The following DSE variants were observed in gnomAD, a reference collection of about 807,000 sequenced individuals.
DSE encodes dermatan sulfate epimerase.
In DSE, 36 loss-of-function variants were observed where a neutral mutation model predicts 84.4. The ratio of observed to expected loss-of-function variants is 0.43; its 90% CI spans 0.33 to 0.56. The LOEUF (loss-of-function observed/expected upper bound fraction) is 0.56, where lower values mean the gene tolerates loss of function less well. Ranked by LOEUF, DSE falls within the 20% of genes least tolerant of loss-of-function variation. The pLI is 0.06. For missense variants in DSE, 862 were observed against 1,169.6 expected, an observed-to-expected ratio of 0.74 and a Z score of 3.84; for synonymous variants, 410 against 430.1, an observed-to-expected ratio of 0.95 and a Z score of 0.58.
intron 2 of DSE, among the ~76,000 whole-genome samples, chr6:116,276,008 A>C (rs1773125254): frequency 6.6e-6 from 1 of 152,200 alleles, no homozygotes. Flanking sequence ...AAGGGAATGG[A>C]CTTTATCTTC....
At chr6:116,337,156 GAT>G (rs746652667) in intron 2 of DSE, among the ~76,000 whole-genome samples, 14 of 152,294 alleles carry the variant, frequency 9.2e-5, no homozygotes, top group Admixed American at 5.2e-4. Flanking sequence ...TCACATAGCT[GAT>G]AAGTGGTAGA....
chr6:116,273,174 C>T (rs564091824), intron 2 of DSE, among the ~76,000 whole-genome samples: 321 of 152,298 alleles, frequency 2.1e-3, no homozygotes, highest in Non-Finnish European at 4.1e-3. Flanking sequence ...TATGCCTTCT[C>T]TGCCCATCAG....
chr6:116,307,894 A>G (rs1775443511), intron 2 of DSE, among the ~76,000 whole-genome samples: 1 of 152,254 alleles, frequency 6.6e-6, no homozygotes, highest in Non-Finnish European at 1.5e-5. Flanking sequence ...AATTACTGGA[A>G]AAGCGTGAAC....
At chr6:116,402,924 G>C in intron 2 of DSE, among the ~76,000 whole-genome samples, 1 of 152,286 alleles carries the variant, frequency 6.6e-6, no homozygotes, top group Non-Finnish European at 1.5e-5. Context: ...CATTTGAATA[G>C]TAAATAAAGA....
chr6:116,340,651 C>G (rs1025724676), intron 2 of DSE, among the ~76,000 whole-genome samples: 5 of 152,040 alleles, frequency 3.3e-5, no homozygotes, highest in African/African-American at 1.2e-4. Context: ...CCCCCACCCC[C>G]TGACAGGCCC....
At chr6:116,310,507 C>G (rs1775629626) in intron 2 of DSE, among the ~76,000 whole-genome samples, 1 of 152,144 alleles carries the variant, frequency 6.6e-6, no homozygotes, top group East Asian at 1.9e-4. Flanking sequence ...TCACTGTACT[C>G]CTACTCCAGT....
intron 1 of DSE, among the ~76,000 whole-genome samples, chr6:116,375,860 A>G (rs1404714033): frequency 6.6e-6 from 1 of 152,204 alleles, no homozygotes; most frequent in Non-Finnish European, 1.5e-5. Context: ...AGAAATGGAC[A>G]GTGATATAGA....
intron 2 of DSE, among the ~76,000 whole-genome samples, chr6:116,325,977 A>G (rs931636695): frequency 6.6e-6 from 1 of 152,180 alleles, no homozygotes; most frequent in East Asian, 1.9e-4. Flanking sequence ...ACGCACCAGT[A>G]ATTAGATTGG....
chr6:116,273,727 G>C (rs1772982827), intron 2 of DSE, among the ~76,000 whole-genome samples: 1 of 151,944 alleles, frequency 6.6e-6, no homozygotes, highest in Admixed American at 6.6e-5. Context: ...CAAGGGCAAA[G>C]ACAACCTTTA....
upstream of DSE, among the ~76,000 whole-genome samples, chr6:116,368,136 G>T (rs751609450): frequency 6.6e-6 from 1 of 152,156 alleles, no homozygotes; most frequent in East Asian, 1.9e-4. Context: ...GCATCTAGGC[G>T]TAAGGGGTCA....
Position 116,279,343 on chromosome 6 carries a change from A to C in DSE, c.-54+20376A>C, listed in dbSNP as rs1773339659. The C allele has an allele frequency of 8.7e-6, 14 of 1,611,132 alleles. No individual in the cohort carries two copies. Among genetic ancestry groups the C allele is most frequent in the Non-Finnish European group, 1.2e-5 (14 of 1,179,944 alleles). Reference sequence around the variant, plus strand: ...CTCCCTCTCAGCCACGGCTGCTGAGACGGTGGCGCACTTTCCTGTCTTCAC... The same window carrying C: ...CTCCCTCTCAGCCACGGCTGCTGAGCCGGTGGCGCACTTTCCTGTCTTCAC... On this transcript the variant is annotated intron_variant, in intron 2 of 3. Coordinates refer to the DSE transcript ENST00000430252.
chr6:116,328,981 G>A (rs901127168), intron 2 of DSE, among the ~76,000 whole-genome samples: 3 of 152,104 alleles, frequency 2.0e-5, no homozygotes, highest in Non-Finnish European at 4.4e-5. Context: ...TGGCAGTTCC[G>A]CTTACTATGC....
In DSE at chr6:116,260,628, A is replaced by C. The variant is rs186193021; in HGVS notation, c.-54+1661A>C. ...TTTATAGTTTTGGGTTTTACATTTA[A>C]GTCTTTAATTCATCTTGATTTAATT... On this transcript the variant is annotated intron_variant, in intron 2 of 3. Coordinates refer to the DSE transcript ENST00000430252. Among the ~76,000 whole-genome samples, 903 of 152,250 alleles carry C rather than the reference A, an allele frequency of 5.9e-3. 8 individuals are homozygous for C. Among genetic ancestry groups the C allele is most frequent in the African/African-American group, 0.02 (844 of 41,534 alleles).
chr6:116,272,362 G>C (rs1433622211), intron 2 of DSE, among the ~76,000 whole-genome samples: 1 of 152,192 alleles, frequency 6.6e-6, no homozygotes, highest in Non-Finnish European at 1.5e-5. Context: ...AGAGCAAATA[G>C]TGATCAACAG....
intron 1 of DSE, chr6:116,375,520 G>A: frequency 1.0e-6 from 1 of 984,956 alleles, no homozygotes; most frequent in South Asian, 4.7e-5. Context: ...TTTTTTATGT[G>A]TATGGTAAAT....
intron 2 of DSE, among the ~76,000 whole-genome samples, chr6:116,295,616 ATGTGTCTCC>A (rs1256183062): frequency 6.6e-6 from 1 of 152,184 alleles, no homozygotes; most frequent in Non-Finnish European, 1.5e-5. Context: ...GAAAGCAATA[ATGTGTCTCC>A]TGGAAATTGA....
intron 1 of DSE, among the ~76,000 whole-genome samples, chr6:116,392,197 C>G (rs1246795088): frequency 1.3e-5 from 2 of 152,170 alleles, no homozygotes; most frequent in African/African-American, 4.8e-5. Context: ...GGCAATGCAG[C>G]CCTGTCTAGT....
Position 116,279,838 on chromosome 6 carries a change from A to G in DSE, c.-54+20871A>G, listed in dbSNP as rs768821482. 8 of 1,612,934 alleles carry G rather than the reference A, an allele frequency of 5.0e-6. No individual in the cohort carries two copies. In the African/African-American group the frequency reaches 1.1e-4, roughly 22 times the overall value. On this transcript the variant is annotated intron_variant, in intron 2 of 3. Coordinates refer to the DSE transcript ENST00000430252. ...CCCATCCAGGCCGCTCATGTTGCTA[A>G]CAGTCGGACCAACCGCAGGCGAACG...
intron 1 of DSE, among the ~76,000 whole-genome samples, chr6:116,372,604 T>C (rs1033131752): frequency 6.6e-6 from 1 of 152,192 alleles, no homozygotes; most frequent in Non-Finnish European, 1.5e-5. Context: ...ATTATCTGAG[T>C]ATTTGTTTCA....
Sources: allele counts gnomAD v4.1 joint callset (sites outside exome capture counted in the v4.1 genomes callset), GRCh38; gene constraint gnomAD v4.1.1; transcripts MANE v1.5; gene names NCBI Gene and HGNC (gene_info 2026-07-23, HGNC 2026-07-21).